Variants in SLC24A2 observed in about 807,000 individuals in gnomAD.
The protein encoded by SLC24A2 is solute carrier family 24 member 2.
A neutral mutation model predicts 62.0 loss-of-function variants in SLC24A2; 36 were observed. The observed-to-expected ratio is 0.58, with a 90% CI of 0.44 to 0.77. The LOEUF is 0.77. Ranked by LOEUF, SLC24A2 falls within the 30% of genes least tolerant of loss-of-function variation. The pLI is 0.00. For synonymous variants in SLC24A2, 358 were observed against 294.0 expected, an observed-to-expected ratio of 1.22 and a Z score of -2.23; for missense variants, 846 against 817.9, an observed-to-expected ratio of 1.03 and a Z score of -0.42.
chr9:19,607,697 T>G (rs1587027818), intron 4 of SLC24A2, among the ~76,000 whole-genome samples: 1 of 132,514 alleles, frequency 7.5e-6, no homozygotes, highest in Non-Finnish European at 1.5e-5. Context: ...CCAGCCTAGG[T>G]GATAGAGTGA....
chr9:20,065,053 C>A, the SLC24A2 span, among the ~76,000 whole-genome samples: 5 of 152,318 alleles, frequency 3.3e-5, no homozygotes, highest in East Asian at 9.6e-4. Flanking sequence ...AACCGATGAG[C>A]TGCTGGAGAC....
the SLC24A2 span, among the ~76,000 whole-genome samples, chr9:20,018,016 G>A: frequency 6.6e-5 from 10 of 152,190 alleles, no homozygotes; most frequent in African/African-American, 1.9e-4. Context: ...GCACGATCTC[G>A]GCTCACTGCA....
chr9:20,151,099 C>T, the SLC24A2 span, among the ~76,000 whole-genome samples: 2 of 151,888 alleles, frequency 1.3e-5, no homozygotes, highest in Admixed American at 1.3e-4. Context: ...AGAAACTCCC[C>T]ACTTTCTAAC....
chr9:19,520,751 T>A (rs1340517210), intron 10 of SLC24A2, 143 bp downstream of exon 10: 29 of 773,796 alleles, frequency 3.7e-5, no homozygotes, highest in Non-Finnish European at 4.5e-6. Context: ...ATTGGGGAAA[T>A]GCAATGGTAT....
At chr9:20,112,342 G>T in the SLC24A2 span, among the ~76,000 whole-genome samples, 1 of 152,196 alleles carries the variant, frequency 6.6e-6, no homozygotes, top group African/African-American at 2.4e-5. Flanking sequence ...GAATTTGCTG[G>T]TCTGTTTAAA....
intron 9 of SLC24A2, among the ~76,000 whole-genome samples, chr9:19,524,041 G>A (rs182943953): frequency 2.0e-5 from 3 of 150,812 alleles, no homozygotes; most frequent in East Asian, 2.0e-4. Context: ...GCACATGGAC[G>A]GGACAGTACT....
chr9:20,078,857 T>C, the SLC24A2 span, among the ~76,000 whole-genome samples: 1 of 152,110 alleles, frequency 6.6e-6, no homozygotes, highest in South Asian at 2.1e-4. Flanking sequence ...CATAGATAAA[T>C]AGAAATGAAG....
chr9:20,198,018 TCAAA>T, the SLC24A2 span, among the ~76,000 whole-genome samples: 2 of 152,156 alleles, frequency 1.3e-5, no homozygotes, highest in Non-Finnish European at 2.9e-5. Context: ...CTTGGCTGCA[TCAAA>T]CAGAGTAAAA....
the SLC24A2 span, among the ~76,000 whole-genome samples, chr9:20,238,196 C>A: frequency 6.6e-6 from 1 of 152,156 alleles, no homozygotes; most frequent in East Asian, 1.9e-4. Context: ...GATACTTTCA[C>A]GTGTTATTTC....
At chr9:19,549,654 C>T (rs1013054993) in intron 8 of SLC24A2, among the ~76,000 whole-genome samples, 2 of 152,226 alleles carry the variant, frequency 1.3e-5, no homozygotes, top group African/African-American at 4.8e-5. Context: ...TGAATCATTT[C>T]TGCCCAGGTG....
the SLC24A2 span, among the ~76,000 whole-genome samples, chr9:19,933,049 G>A: frequency 7.0e-4 from 107 of 152,340 alleles, no homozygotes; most frequent in African/African-American, 2.5e-3. Flanking sequence ...GCAGGAGGTG[G>A]GGGCTGCGGG....
the SLC24A2 span, among the ~76,000 whole-genome samples, chr9:20,274,249 G>A: frequency 6.6e-6 from 1 of 152,154 alleles, no homozygotes; most frequent in Non-Finnish European, 1.5e-5. Context: ...AACAGGGGAG[G>A]GGGACCAGGA....
chr9:19,794,992 C>A, the SLC24A2 span, among the ~76,000 whole-genome samples: 1 of 152,162 alleles, frequency 6.6e-6, no homozygotes, highest in Non-Finnish European at 1.5e-5. Context: ...AAAAGAGGAG[C>A]CATGTGCCTT....
chr9:19,631,154 G>C (rs1157256202), intron 2 of SLC24A2, among the ~76,000 whole-genome samples: 4 of 152,188 alleles, frequency 2.6e-5, no homozygotes, highest in Non-Finnish European at 5.9e-5. Context: ...ACCTAGCATA[G>C]TGGTGCTCAA....
the SLC24A2 span, among the ~76,000 whole-genome samples, chr9:20,145,744 G>T: frequency 6.6e-5 from 10 of 151,368 alleles, no homozygotes; most frequent in African/African-American, 2.4e-4. Flanking sequence ...TATTTTCCTG[G>T]ATTTATTCTG....
At chr9:19,582,012 G>A (rs1389224731) in intron 5 of SLC24A2, among the ~76,000 whole-genome samples, 1 of 152,122 alleles carries the variant, frequency 6.6e-6, no homozygotes, top group Non-Finnish European at 1.5e-5. Flanking sequence ...AAATCGTGAG[G>A]CACCTACGTC....
At chr9:19,955,733 T>A in the SLC24A2 span, among the ~76,000 whole-genome samples, 2 of 152,184 alleles carry the variant, frequency 1.3e-5, no homozygotes, top group African/African-American at 4.8e-5. Flanking sequence ...ATTTCCTCCA[T>A]CCTCTCCCAA....
chr9:20,105,628 T>G, the SLC24A2 span, among the ~76,000 whole-genome samples: 1,782 of 152,002 alleles, frequency 0.012, 29 homozygotes, highest in African/African-American at 0.039. Flanking sequence ...AAGGCAGAAA[T>G]AAAGATGTTC....
chr9:19,951,043 T>G, the SLC24A2 span, among the ~76,000 whole-genome samples: 242 of 152,290 alleles, frequency 1.6e-3, 1 homozygote, highest in Middle Eastern at 0.014. Flanking sequence ...CTGGATGATC[T>G]TACACATTGC....
Sources: gnomAD v4.1 joint callset for allele counts (sites outside exome capture counted in the v4.1 genomes callset) on GRCh38, gnomAD v4.1.1 for gene constraint, MANE v1.5 for transcripts, NCBI Gene and HGNC (gene_info 2026-07-23, HGNC 2026-07-21) for gene names.